Variants in CEP290 observed in about 807,000 individuals in gnomAD.
CEP290 encodes centrosomal protein of 290 kDa.
In CEP290, 317 loss-of-function variants were observed where a neutral mutation model predicts 344.9. That is an observed-to-expected ratio of 0.92 (90% confidence interval 0.84 to 1.01). The LOEUF (loss-of-function observed/expected upper bound fraction) is 1.01. Among genes scored for constraint, CEP290 ranks in the 50% least tolerant of loss-of-function variants. The pLI is 0.00. For synonymous variants in CEP290, 932 were observed against 895.8 expected (o/e 1.04, Z -0.72); for missense variants, 2,754 against 2,761.4 (o/e 1.00, Z 0.06).
rs11356711 is a variant in CEP290 at position 88,084,539 on chromosome 12, TA to T, written c.4704+46del. The stretch of plus-strand genomic sequence containing the variant: ...GGTAAAATAATATTTAGCATTTGCT[TA>T]AAAAAACTAATGGATAACAGCATAA... On this transcript the variant is annotated intron_variant, in intron 35 of 53. Coordinates refer to ENST00000552810, the MANE Select transcript of CEP290 (RefSeq NM_025114.4). The T allele has an allele frequency of 0.9, 1,344,485 of 1,495,066 alleles. 614,783 individuals carry two copies. Among genetic ancestry groups the T allele is most frequent in the East Asian group, 0.96 (42,200 of 44,128 alleles). 92.6% of individuals were successfully genotyped at this position (1,495,066 alleles called of 1,614,324 possible).
intron 46 of CEP290, among the ~76,000 whole-genome samples, 154 bp from the exon 47 acceptor site, chr12:88,061,148 T>C (rs929153861): frequency 3.3e-5 from 5 of 152,156 alleles, no homozygotes; most frequent in African/African-American, 1.2e-4. Flanking sequence ...TTCTATGAGA[T>C]AGGAATTATA....
chr12:88,079,631 TAAATTTCATAGCTAGCACAG>T (rs1246999701), intron 38 of CEP290, among the ~76,000 whole-genome samples: 3 of 152,128 alleles, frequency 2.0e-5, no homozygotes, highest in Non-Finnish European at 4.4e-5. Flanking sequence ...AGTTTACCCA[TAAATTTCATAGCTAGCACAG>T]AAAAACACCA....
chr12:88,141,084 A>G, intron 2 of CEP290, 51 bp from the exon 3 acceptor site: 2 of 1,407,250 alleles, frequency 1.4e-6, no homozygotes, highest in Non-Finnish European at 1.9e-6. Flanking sequence ...TTCAAGCAAA[A>G]TATAAGAACA....
chr12:88,141,444 A>G (rs1440246590), intron 1 of CEP290, 110 bp from the exon 2 acceptor site: 6 of 509,652 alleles, frequency 1.2e-5, no homozygotes, highest in Non-Finnish European at 2.0e-5. Context: ...TGATGTTAGC[A>G]AAACAGACAA....
intron 44 of CEP290, 28 bp downstream of exon 44, chr12:88,068,493 GA>G (rs768452043): frequency 1.5e-6 from 2 of 1,363,970 alleles, no homozygotes; most frequent in South Asian, 1.7e-5. Flanking sequence ...ATGGAAAAAA[GA>G]AAAAAATAAT....
chr12:88,076,823 T>TG (rs1031001431), intron 41 of CEP290, among the ~76,000 whole-genome samples: 14 of 152,070 alleles, frequency 9.2e-5, no homozygotes, highest in Admixed American at 2.6e-4. Context: ...TGGGTCAAAG[T>TG]GGGGTATCTT....
At chr12:88,049,443 C>T in intron 53 of CEP290, 29 bp from the exon 54 acceptor site, 2 of 1,130,154 alleles carry the variant, frequency 1.8e-6, no homozygotes, top group Non-Finnish European at 2.5e-6. Context: ...TTAAAAGTTG[C>T]ATATAGGAAA....
chr12:88,110,056 G>T (rs746963249), intron 22 of CEP290, among the ~76,000 whole-genome samples: 1 of 151,910 alleles, frequency 6.6e-6, no homozygotes, highest in Non-Finnish European at 1.5e-5. Flanking sequence ...AGAAAAAGAT[G>T]AATTACTGTA....
At chr12:88,117,232 G>T in intron 17 of CEP290, 87 bp from the exon 18 acceptor site, 1 of 643,736 alleles carries the variant, frequency 1.6e-6, no homozygotes, top group Non-Finnish European at 2.6e-6. Context: ...CTACAATCAA[G>T]TTTTAATGCA....
chr12:88,097,125 A>G, intron 26 of CEP290, 126 bp from the exon 27 acceptor site: 1 of 605,132 alleles, frequency 1.7e-6, no homozygotes, highest in Non-Finnish European at 2.9e-6. Context: ...ACAAAATTAG[A>G]ATTTCCTCCA....
intron 7 of CEP290, 37 bp downstream of exon 7, chr12:88,131,128 C>T (rs1592676223): frequency 6.9e-7 from 1 of 1,444,334 alleles, no homozygotes; most frequent in Non-Finnish European, 9.2e-7. Flanking sequence ...TTAATAAGTA[C>T]CTTTGTTGAA....
At chr12:88,094,033 T>TA in intron 27 of CEP290, 58 bp from the exon 28 acceptor site, 1 of 1,261,984 alleles carries the variant, frequency 7.9e-7, no homozygotes, top group Non-Finnish European at 1.1e-6. Context: ...TTACCTCAGA[T>TA]ATTTTAGATG....
chr12:88,077,368 T>G (rs1020953235), intron 40 of CEP290, 24 bp from the exon 41 acceptor site: 3 of 1,367,320 alleles, frequency 2.2e-6, no homozygotes, highest in Non-Finnish European at 2.9e-6. Context: ...TGTAACTTTA[T>G]ATTTTTACAA....
At chr12:88,139,228 A>T in intron 4 of CEP290, 37 bp from the exon 5 acceptor site, 2 of 831,792 alleles carry the variant, frequency 2.4e-6, no homozygotes, top group Non-Finnish European at 3.6e-6. Flanking sequence ...GTTTTAATTG[A>T]TTAGTTACCA....
chr12:88,090,715 A>G lies in CEP290; in HGVS notation c.3573+13T>C, dbSNP rs2137301378. The G allele has an allele frequency of 6.9e-7, 1 of 1,443,300 alleles. No homozygotes were observed. Among genetic ancestry groups the G allele is most frequent in the Non-Finnish European group, 9.5e-7 (1 of 1,047,794 alleles). The allele number at this position is 1,443,300 out of a possible 1,614,324, so 89.4% of individuals were successfully genotyped here. On this transcript the variant is annotated intron_variant, in intron 30 of 53. Coordinates refer to ENST00000552810, the MANE Select transcript of CEP290 (RefSeq NM_025114.4). ...AAGTGGATTCTATGTAGAAGAGCCA[A>G]TACTGCACATACCTGATAGTCTAGC...
chr12:88,096,782 T>A, intron 27 of CEP290, 106 bp downstream of exon 27: 2 of 602,292 alleles, frequency 3.3e-6, no homozygotes, highest in Non-Finnish European at 5.5e-6. Context: ...TTTCTTTTTT[T>A]AGTCAAAATA....
chr12:88,140,063 T>A (rs1365690317), intron 3 of CEP290, among the ~76,000 whole-genome samples: 1 of 152,206 alleles, frequency 6.6e-6, no homozygotes, highest in Non-Finnish European at 1.5e-5. Flanking sequence ...GCAATTTTCT[T>A]ACTTAAGACT....
rs776354364 is a variant in CEP290 at position 88,079,146 on chromosome 12, T to C, written c.5310A>G (p.Lys1770=). Residue 1770 remains lysine (K), a synonymous_variant, in exon 39 of 54, where the codon AAA becomes AAG. Coordinates refer to ENST00000552810, the MANE Select transcript of CEP290 (RefSeq NM_025114.4). ...TTTGTTGAACATTGAGATGGGCCTCTTTTTGAGAAGTTGCAGAAATAATAC... is the reference window on the plus strand; with the variant it reads ...TTTGTTGAACATTGAGATGGGCCTCCTTTTGAGAAGTTGCAGAAATAATAC... ...EERIISATSQ[K]EAHLNVQQIV... 2 of 1,605,180 alleles carry C rather than the reference T, an allele frequency of 1.2e-6. No homozygotes were observed. The highest frequency in any genetic ancestry group is 8.5e-7 in the Non-Finnish European group (1 of 1,176,576).
chr12:88,092,835 A>T lies in CEP290; in HGVS notation c.3310-3T>A. ...GCATCCAAATTGATTTTGGTAAGCT[A>T]AGGAAATGTAACAAAAAATGTTCAG... On this transcript the variant is annotated splice_polypyrimidine_tract_variant and splice_region_variant and intron_variant, in intron 28 of 53. Coordinates refer to ENST00000552810, the MANE Select transcript of CEP290 (RefSeq NM_025114.4). 1.2e-6 allele frequency: 2 copies of T among 1,608,130 alleles called. No individual in the cohort carries two copies. Among genetic ancestry groups the T allele is most frequent in the Non-Finnish European group, 1.7e-6 (2 of 1,178,240 alleles).
Sources: gnomAD v4.1 joint callset for allele counts (sites outside exome capture counted in the v4.1 genomes callset) on GRCh38, gnomAD v4.1.1 for gene constraint, MANE v1.5 for transcripts, NCBI Gene and HGNC (gene_info 2026-07-23, HGNC 2026-07-21) for gene names.